The following CD300LB variants were observed in gnomAD, a reference collection of about 807,000 sequenced individuals.
The protein encoded by CD300LB is CMRF35-like molecule 7.
In CD300LB, 18 loss-of-function variants were observed where a neutral mutation model predicts 20.8. The observed-to-expected ratio is 0.87, with a 90% CI of 0.60 to 1.28. The LOEUF (loss-of-function observed/expected upper bound fraction) is 1.28. CD300LB is among the 50% of genes most tolerant of loss of function. The pLI, the probability that CD300LB is intolerant of heterozygous loss-of-function variation, is 0.00. For synonymous variants in CD300LB, 91 were observed against 91.3 expected (o/e 1.00, Z 0.02); for missense variants, 222 against 251.8 (o/e 0.88, Z 0.80).
intron 2 of CD300LB, 100 bp downstream of exon 2, chr17:74,525,640 TTAGGCTCA>T: frequency 1.1e-6 from 1 of 925,182 alleles, no homozygotes; most frequent in African/African-American, 1.6e-5. Flanking sequence ...TCTCTCTCTC[TTAGGCTCA>T]CCATCATTCC....
chr17:74,522,772 A>C lies in CD300LB; in HGVS notation c.572T>G (p.Phe191Cys). The change falls in exon 4 of 4, where the codon TTC becomes TGC. Residue 191 changes from phenylalanine (F) to cysteine (C), a missense_variant. By Grantham distance (205) the Phe-to-Cys change is radical. Transcript: ENST00000392621. ...EPGEQPIYMN[F>C]SEPLTKDMAT ...CATGTCTTTAGTCAGAGGTTCGGAG[A>C]AGTTCATGTAGATAGGCTGTTCCCC... 1 of 1,614,102 alleles carries C rather than the reference A, an allele frequency of 6.2e-7. No homozygotes were observed. The highest frequency in any genetic ancestry group is 2.2e-5 in the East Asian group (1 of 44,876).
chr17:74,524,048 G>C (rs1339999412), intron 2 of CD300LB, among the ~76,000 whole-genome samples: 1 of 152,190 alleles, frequency 6.6e-6, no homozygotes, highest in African/African-American at 2.4e-5. Flanking sequence ...GAAATGGGCT[G>C]TCCAGAAATT....
intron 1 of CD300LB, among the ~76,000 whole-genome samples, chr17:74,528,550 A>G (rs1908102301): frequency 6.6e-6 from 1 of 152,164 alleles, no homozygotes; most frequent in Non-Finnish European, 1.5e-5. Context: ...AGAGCTTGGC[A>G]TCTTCTTTCA....
At position 74,522,816 on chromosome 17, in the gene CD300LB, C is replaced by T. The variant is rs1298980879; in HGVS notation, c.528G>A (p.Gln176=). 1 of 1,614,042 alleles carries T rather than the reference C, an allele frequency of 6.2e-7. No homozygotes were observed. Among genetic ancestry groups the T allele is most frequent in the Non-Finnish European group, 8.5e-7 (1 of 1,180,044 alleles). ...GTTCCCCTGGCTCCTCAGGGACCCT[C>T]TGAGACCCCTTCAACCAGAGGATGG... ...VTAILWLKGS[Q]RVPEEPGEQP... is the part of the protein sequence containing the mutation. The change falls in exon 4 of 4, where the codon CAG becomes CAA. Residue 176 remains glutamine (Q), a synonymous_variant. Transcript: ENST00000392621.
At chr17:74,527,676 A>G (rs935742600) in intron 1 of CD300LB, among the ~76,000 whole-genome samples, 2 of 147,306 alleles carry the variant, frequency 1.4e-5, no homozygotes, top group Non-Finnish European at 3.0e-5. Context: ...GTTGAGGGAG[A>G]GTCCAATTGG....
Position 74,523,727 on chromosome 17 carries a change from C to T in CD300LB, c.371-76G>A, listed in dbSNP as rs1180714153. ...TGCATGGGTCACAAAGCCACGCGAC[C>T]CTGCCAGCCCTCACCAGAAGACCCT... On this transcript the variant is annotated intron_variant, in intron 2 of 3. Transcript: ENST00000392621. 4 of 920,580 alleles carry T rather than the reference C, an allele frequency of 4.3e-6. No homozygotes were observed. The East Asian group carries it at 7.2e-5, about 17-fold the overall frequency. 57.0% of individuals were successfully genotyped at this position (920,580 alleles called of 1,614,324 possible).
At chr17:74,523,059 G>T in intron 3 of CD300LB, 159 bp from the exon 4 acceptor site, 1 of 663,884 alleles carries the variant, frequency 1.5e-6, no homozygotes. Context: ...CAACCTCAAG[G>T]GGTCCTCCAA....
chr17:74,525,641 T>C (rs1408657321), intron 2 of CD300LB, 107 bp downstream of exon 2: 4 of 917,198 alleles, frequency 4.4e-6, no homozygotes, highest in South Asian at 3.1e-5. Context: ...CTCTCTCTCT[T>C]AGGCTCACCA....
Position 74,521,395 on chromosome 17 carries a change from G to T in CD300LB, c.*1343C>A, listed in dbSNP as rs1174099518. On this transcript the variant is annotated 3_prime_UTR_variant, in exon 4 of 4. Coordinates refer to ENST00000392621, the MANE Select transcript of CD300LB (RefSeq NM_174892.4). ...AGCATTCCAGGAGGTAGGGCCCTGG[G>T]GCTGGTGGACTGTGGGTCTTGGTCC... 2.0e-6 allele frequency: 2 copies of T among 985,484 alleles called. No homozygotes were observed. Among genetic ancestry groups the T allele is most frequent in the Non-Finnish European group, 2.4e-6 (2 of 830,060 alleles). The allele number at this position is 985,484 out of a possible 1,614,324, so 61.0% of individuals were successfully genotyped here. A position where few individuals can be genotyped will look rare whatever the true frequency, so the allele number is the denominator to read the frequency against.
chr17:74,528,911 C>T (rs1462263779), intron 1 of CD300LB, among the ~76,000 whole-genome samples: 6 of 151,996 alleles, frequency 3.9e-5, no homozygotes, highest in Non-Finnish European at 8.8e-5. Context: ...GCAGGAGGAT[C>T]GCTTGAGCCC....
chr17:74,526,953 T>C (rs899166269), intron 1 of CD300LB, among the ~76,000 whole-genome samples: 7 of 152,094 alleles, frequency 4.6e-5, no homozygotes, highest in Non-Finnish European at 7.4e-5. Flanking sequence ...TCTCTCCATT[T>C]CCATGGCTTT....
At chr17:74,527,696 T>C (rs1054169929) in intron 1 of CD300LB, among the ~76,000 whole-genome samples, 8 of 106,842 alleles carry the variant, frequency 7.5e-5, no homozygotes, top group Admixed American at 3.5e-4. Flanking sequence ...GAAGATGGTC[T>C]GTTGCTGCTT....
chr17:74,524,369 G>A (rs62084808), intron 2 of CD300LB, among the ~76,000 whole-genome samples: 208 of 152,142 alleles, frequency 1.4e-3, no homozygotes, highest in Non-Finnish European at 1.7e-3. Context: ...GAGGCAGATC[G>A]CTTGAGGCCA....
At chr17:74,527,210 C>G (rs746835967) in intron 1 of CD300LB, among the ~76,000 whole-genome samples, 1 of 152,246 alleles carries the variant, frequency 6.6e-6, no homozygotes, top group African/African-American at 2.4e-5. Context: ...TGAGCATAAT[C>G]AAATGGCAGT....
At chr17:74,526,903 C>A (rs1908052726) in intron 1 of CD300LB, among the ~76,000 whole-genome samples, 1 of 152,146 alleles carries the variant, frequency 6.6e-6, no homozygotes, top group Non-Finnish European at 1.5e-5. Flanking sequence ...CCCTCTCCAG[C>A]CTTCATCTTG....
chr17:74,531,271 C>T lies in CD300LB; in HGVS notation c.40+40G>A, dbSNP rs1053495295. On this transcript the variant is annotated intron_variant, in intron 1 of 3. Coordinates refer to ENST00000392621, the MANE Select transcript of CD300LB (RefSeq NM_174892.4). ...AAATGCCCTCTGCCTCCTGCCCTGCCCCTGTCATACCAAGCGCCCAAGGCC... is the reference window on the plus strand; with the variant it reads ...AAATGCCCTCTGCCTCCTGCCCTGCTCCTGTCATACCAAGCGCCCAAGGCC... The T allele has an allele frequency of 1.1e-5, 16 of 1,506,774 alleles. No individual in the cohort carries two copies. In the Admixed American group the frequency reaches 3.2e-4, roughly 30 times the overall value. 93.3% of individuals were successfully genotyped at this position (1,506,774 alleles called of 1,614,324 possible).
intron 1 of CD300LB, among the ~76,000 whole-genome samples, chr17:74,531,089 G>A (rs538354552): frequency 6.6e-6 from 1 of 152,310 alleles, no homozygotes; most frequent in South Asian, 2.1e-4. Context: ...ATAGGTGTGA[G>A]CCATGGCCTC....
rs1392198373 is a variant in CD300LB, at chr17:74,521,789, A to G, written c.*949T>C. 23 of 985,454 alleles carry G rather than the reference A, an allele frequency of 2.3e-5. No homozygotes were observed. Among genetic ancestry groups the G allele is most frequent in the African/African-American group, 3.5e-5 (2 of 57,236 alleles). The allele number at this position is 985,454 out of a possible 1,614,324, so 61.0% of individuals were successfully genotyped here. On this transcript the variant is annotated 3_prime_UTR_variant, in exon 4 of 4. Coordinates refer to ENST00000392621, the MANE Select transcript of CD300LB (RefSeq NM_174892.4). ...TTTGGTGTGAGGGTCCCTCAACCATACAGCACAAAGTGACCACATTCAAGG... is the reference window on the plus strand; with the variant it reads ...TTTGGTGTGAGGGTCCCTCAACCATGCAGCACAAAGTGACCACATTCAAGG...
At chr17:74,527,901 G>A (rs186079468) in intron 1 of CD300LB, among the ~76,000 whole-genome samples, 1 of 152,256 alleles carries the variant, frequency 6.6e-6, no homozygotes, top group African/African-American at 2.4e-5. Flanking sequence ...AGCTTCATCT[G>A]TATTTACAGC....
Sources: allele counts gnomAD v4.1 joint callset (sites outside exome capture counted in the v4.1 genomes callset), GRCh38; gene constraint gnomAD v4.1.1; transcripts MANE v1.5; gene names NCBI Gene and HGNC (gene_info 2026-07-23, HGNC 2026-07-21).